MATN2: variants seen among roughly 807,000 people sequenced by gnomAD.
MATN2 encodes matrilin-2.
In MATN2, 69 loss-of-function variants were observed where a neutral mutation model predicts 103.2. The ratio of observed to expected loss-of-function variants is 0.67; its 90% CI spans 0.55 to 0.82. The LOEUF (loss-of-function observed/expected upper bound fraction) is 0.82, where lower values mean the gene tolerates loss of function less well. Ranked by LOEUF, MATN2 falls within the 40% of genes least tolerant of loss-of-function variation. The pLI, the probability that MATN2 is intolerant of heterozygous loss-of-function variation, is 0.00. For missense variants in MATN2, 1,023 were observed against 1,211.5 expected, an observed-to-expected ratio of 0.84 and a Z score of 2.31; for synonymous variants, 429 against 450.2, an observed-to-expected ratio of 0.95 and a Z score of 0.60.
intron 3 of MATN2, among the ~76,000 whole-genome samples, chr8:97,932,392 A>G (rs1026422943): frequency 1.3e-5 from 2 of 152,154 alleles, no homozygotes; most frequent in African/African-American, 4.8e-5. Flanking sequence ...CAGAGGACCA[A>G]GGTGTGGTCC....
chr8:97,934,166 A>C (rs1180170405), intron 3 of MATN2, among the ~76,000 whole-genome samples: 2 of 152,210 alleles, frequency 1.3e-5, no homozygotes, highest in Non-Finnish European at 2.9e-5. Flanking sequence ...TGCAATTGGC[A>C]TTCACCTAAA....
At chr8:97,884,641 C>T (rs1818367359) in intron 1 of MATN2, among the ~76,000 whole-genome samples, 2 of 151,978 alleles carry the variant, frequency 1.3e-5, no homozygotes, top group African/African-American at 2.4e-5. Flanking sequence ...CATGGTGTGG[C>T]GCACCGGTAG....
intron 2 of MATN2, among the ~76,000 whole-genome samples, chr8:97,921,287 C>T (rs1182866550): frequency 6.6e-6 from 1 of 152,152 alleles, no homozygotes; most frequent in African/African-American, 2.4e-5. Flanking sequence ...GTCTTAGACC[C>T]ATTAAGTAAT....
intron 2 of MATN2, among the ~76,000 whole-genome samples, chr8:97,893,964 C>G (rs1330981335): frequency 1.3e-5 from 2 of 152,208 alleles, no homozygotes; most frequent in African/African-American, 4.8e-5. Context: ...CTAAATTTAC[C>G]AAACTGGCTC....
intron 6 of MATN2, among the ~76,000 whole-genome samples, chr8:97,980,412 C>T (rs1213038892): frequency 6.6e-6 from 1 of 152,138 alleles, no homozygotes; most frequent in African/African-American, 2.4e-5. Flanking sequence ...AAAGAGGAGG[C>T]CGTGGGCTGC....
At chr8:97,990,573 C>T (rs1586130698) in intron 6 of MATN2, among the ~76,000 whole-genome samples, 1 of 152,310 alleles carries the variant, frequency 6.6e-6, no homozygotes, top group Middle Eastern at 3.4e-3. Flanking sequence ...AGGTAACCAG[C>T]CCTTCAGCAA....
In MATN2 at chr8:97,941,778, G is replaced by A. The variant is rs761834193; in HGVS notation, c.714G>A (p.Thr238=). 2.2e-5 allele frequency: 35 copies of A among 1,589,146 alleles called. No individual in the cohort carries two copies. The highest frequency in any genetic ancestry group is 3.6e-5 in the Admixed American group (2 of 55,072). Residue 238 remains threonine (T), a splice_region_variant and synonymous_variant, in exon 4 of 19, where the codon ACG becomes ACA. Transcript: ENST00000254898. The part of the protein sequence containing the change: ...LTSVFQKKLC[T]AHMCSTLEHN... ...ACCTTCCTGTGTCTTCCCTTTCAGC[G>A]GCCCATATGTGCAGCACCCTGGAGC...
At chr8:97,879,458 C>T (rs1010860804) in intron 1 of MATN2, among the ~76,000 whole-genome samples, 12 of 152,048 alleles carry the variant, frequency 7.9e-5, no homozygotes, top group African/African-American at 2.4e-4. Context: ...AAGGGAAGGG[C>T]CAGTAGATGA....
rs1813363907 is a variant in MATN2, at chr8:98,016,580, T to C, written c.1614T>C (p.His538=). The C allele has an allele frequency of 1.9e-6, 3 of 1,611,360 alleles. No individual in the cohort carries two copies. The highest frequency in any genetic ancestry group is 1.1e-5 in the South Asian group (1 of 90,506). The change falls in exon 11 of 19, where the codon CAT becomes CAC. Residue 538 remains histidine (H), a synonymous_variant. Coordinates refer to ENST00000254898, the MANE Select transcript of MATN2 (RefSeq NM_002380.5). ...CTCTGGGGGACCACGGTTGTGAACATTCGTGTGTAAGCAGTGAAGATTCGT... is the reference window on the plus strand; with the variant it reads ...CTCTGGGGGACCACGGTTGTGAACACTCGTGTGTAAGCAGTGAAGATTCGT... ...SCALGDHGCE[H]SCVSSEDSFV... is the part of the protein sequence containing the mutation.
At chr8:97,945,717 A>AAATATATATATAT (rs59472539) in intron 4 of MATN2, among the ~76,000 whole-genome samples, 19 of 121,810 alleles carry the variant, frequency 1.6e-4, no homozygotes, top group East Asian at 9.3e-4. Context: ...AAAAAAAAAA[A>AAATATATATATAT]ATATATATAT....
At chr8:97,876,275 C>T (rs1427760510) in intron 1 of MATN2, among the ~76,000 whole-genome samples, 4 of 151,454 alleles carry the variant, frequency 2.6e-5, no homozygotes, top group Non-Finnish European at 4.4e-5. Flanking sequence ...CTGCAACCTC[C>T]GCCTCCCAGG....
At chr8:97,916,130 C>T (rs1257282333) in intron 2 of MATN2, among the ~76,000 whole-genome samples, 4 of 151,526 alleles carry the variant, frequency 2.6e-5, no homozygotes, top group East Asian at 1.9e-4. Context: ...AGTGTAGTGG[C>T]GCAATCTCGG....
At chr8:97,938,917 G>T (rs1810465030) in intron 3 of MATN2, among the ~76,000 whole-genome samples, 1 of 151,984 alleles carries the variant, frequency 6.6e-6, no homozygotes, top group Non-Finnish European at 1.5e-5. Context: ...GAGTCTCGCT[G>T]TGTCTGCAGT....
intron 1 of MATN2, among the ~76,000 whole-genome samples, chr8:97,883,302 A>G (rs1467993562): frequency 7.5e-6 from 1 of 134,062 alleles, no homozygotes; most frequent in Admixed American, 7.8e-5. Flanking sequence ...AAAAAAAAAA[A>G]GTGTATATAG....
intron 13 of MATN2, among the ~76,000 whole-genome samples, chr8:98,022,622 C>G (rs1563731913): frequency 6.6e-6 from 1 of 151,216 alleles, no homozygotes; most frequent in Non-Finnish European, 1.5e-5. Flanking sequence ...CCCACCCCAC[C>G]CCACCCTACC....
At chr8:97,969,621 G>A (rs1811591794) in intron 5 of MATN2, among the ~76,000 whole-genome samples, 1 of 152,154 alleles carries the variant, frequency 6.6e-6, no homozygotes, top group South Asian at 2.1e-4. Flanking sequence ...CTGGGGGAGA[G>A]AAAGAAGAAT....
At chr8:97,972,699 A>G (rs1274015731) in intron 5 of MATN2, among the ~76,000 whole-genome samples, 1 of 152,238 alleles carries the variant, frequency 6.6e-6, no homozygotes, top group African/African-American at 2.4e-5. Flanking sequence ...GCAAGGTATC[A>G]TTTATTCTTA....
At chr8:97,961,271 G>C (rs1811306409) in intron 4 of MATN2, 137 bp from the exon 5 acceptor site, 1 of 800,012 alleles carries the variant, frequency 1.2e-6, no homozygotes, top group Admixed American at 3.0e-5. Flanking sequence ...TTTCTACTAT[G>C]ATCACGTATC....
rs1812994527 is a variant in MATN2 at position 98,007,016 on chromosome 8, T to G, written c.1328-89T>G. The G allele has an allele frequency of 7.0e-7, 1 of 1,421,124 alleles. No homozygotes were observed. Among genetic ancestry groups the G allele is most frequent in the African/African-American group, 1.4e-5 (1 of 70,660 alleles). The allele number at this position is 1,421,124 out of a possible 1,614,324, so 88.0% of individuals were successfully genotyped here. The stretch of plus-strand genomic sequence containing the variant: ...GAATGACACCTTCCCTGTGGCTTGT[T>G]ATGCCTCCGGTTTTGTTTTTGAATC... On this transcript the variant is annotated intron_variant, in intron 8 of 18. Coordinates refer to ENST00000254898, the MANE Select transcript of MATN2 (RefSeq NM_002380.5). The surrounding 1 kb of genome is among the most constrained non-coding windows in gnomAD (Gnocchi z 4.2).
Sources: allele counts gnomAD v4.1 joint callset (sites outside exome capture counted in the v4.1 genomes callset), GRCh38; gene constraint gnomAD v4.1.1; non-coding constraint Gnocchi (gnomAD v3.1); transcripts MANE v1.5; gene names NCBI Gene and HGNC (gene_info 2026-07-23, HGNC 2026-07-21).